CSMD1: variants seen among roughly 807,000 people sequenced by gnomAD.
CSMD1 encodes the protein CUB and Sushi multiple domains 1.
CSMD1 carries 213 observed loss-of-function variants against 417.5 expected under a neutral mutation model. The observed-to-expected ratio is 0.51, with a 90% CI of 0.46 to 0.57. The LOEUF (loss-of-function observed/expected upper bound fraction) is 0.57. CSMD1 is among the 20% of genes least tolerant of loss of function. The probability of loss-of-function intolerance (pLI) is 0.00; values close to 1 mark genes in which losing one functional copy is unlikely to be tolerated. For missense variants in CSMD1, 6,923 were observed against 4,529.7 expected, an observed-to-expected ratio of 1.53 and a Z score of -15.17; for synonymous variants, 2,862 against 1,736.8, an observed-to-expected ratio of 1.65 and a Z score of -16.11.
chr8:4,330,282 A>G (rs548088482), intron 3 of CSMD1, among the ~76,000 whole-genome samples: 1 of 139,438 alleles, frequency 7.2e-6, no homozygotes, highest in East Asian at 1.9e-4. Flanking sequence ...TCTTCTACAA[A>G]GTAACACTAT....
intron 2 of CSMD1, among the ~76,000 whole-genome samples, chr8:4,538,019 C>T (rs920039680): frequency 5.3e-5 from 8 of 152,272 alleles, no homozygotes; most frequent in African/African-American, 1.9e-4. Flanking sequence ...TCATCTGAAT[C>T]ACATAACTGA....
rs144661062 is a variant in CSMD1 at position 4,579,686 on chromosome 8, T to G, written c.302+57656A>C. 5.4e-4 allele frequency among the ~76,000 whole-genome samples: 82 copies of G among 152,224 alleles called. 1 individual carries two copies. Among genetic ancestry groups the G allele is most frequent in the Middle Eastern group, 6.8e-3 (2 of 294 alleles). On this transcript the variant is annotated intron_variant, in intron 2 of 69. Coordinates refer to ENST00000635120, the MANE Select transcript of CSMD1 (RefSeq NM_033225.6). The stretch of plus-strand genomic sequence containing the variant: ...CTTAAACCTATATTTTAAGGATACT[T>G]CTGAAGCAAAATATTCTGGAAACTC...
chr8:3,952,593 C>A (rs887926869), intron 5 of CSMD1, among the ~76,000 whole-genome samples: 18 of 152,028 alleles, frequency 1.2e-4, no homozygotes, highest in African/African-American at 4.1e-4. Context: ...CACCAAGAGA[C>A]AGGGAGAGAG....
chr8:4,612,335 G>A (rs1381480618), intron 2 of CSMD1, among the ~76,000 whole-genome samples: 1 of 149,826 alleles, frequency 6.7e-6, no homozygotes, highest in African/African-American at 2.5e-5. Context: ...CTTTACTTAG[G>A]AGCACTTTCA....
chr8:3,745,983 C>T (rs1797048415), intron 6 of CSMD1, among the ~76,000 whole-genome samples: 1 of 152,206 alleles, frequency 6.6e-6, no homozygotes, highest in Non-Finnish European at 1.5e-5. Flanking sequence ...ATGCTGAAGA[C>T]TTTGGTGGAC....
chr8:3,872,110 T>G (rs1805517603), intron 5 of CSMD1, among the ~76,000 whole-genome samples: 1 of 152,218 alleles, frequency 6.6e-6, no homozygotes, highest in Non-Finnish European at 1.5e-5. Flanking sequence ...TCAAATTTCT[T>G]TCCATTCTTA....
chr8:4,627,478 T>G (rs536490537), intron 2 of CSMD1, among the ~76,000 whole-genome samples: 1 of 152,334 alleles, frequency 6.6e-6, no homozygotes, highest in East Asian at 1.9e-4. Context: ...ACAATTTTAC[T>G]GATTCTTGAC....
chr8:3,651,232 A>G (rs1797840116), intron 7 of CSMD1, among the ~76,000 whole-genome samples: 1 of 152,196 alleles, frequency 6.6e-6, no homozygotes, highest in Non-Finnish European at 1.5e-5. Flanking sequence ...CACCTAAGAC[A>G]GATCGTATCA....
At chr8:3,300,980 A>C (rs1269693129) in intron 25 of CSMD1, among the ~76,000 whole-genome samples, 5 of 145,012 alleles carry the variant, frequency 3.4e-5, no homozygotes, top group African/African-American at 1.2e-4. Flanking sequence ...AAAAAAAAAA[A>C]AGAGAAAGAA....
intron 3 of CSMD1, among the ~76,000 whole-genome samples, chr8:4,162,150 C>A (rs901587119): frequency 4.6e-5 from 7 of 152,138 alleles, no homozygotes; most frequent in Non-Finnish European, 8.8e-5. Flanking sequence ...AGTGCGACAT[C>A]GTAATTAGTT....
chr8:4,324,250 G>A (rs923311578), intron 3 of CSMD1, among the ~76,000 whole-genome samples: 3 of 152,202 alleles, frequency 2.0e-5, no homozygotes, highest in African/African-American at 7.2e-5. Flanking sequence ...CACCAAGAAT[G>A]TGAGTTCTGA....
At chr8:4,043,481 T>C (rs1367752319) in intron 3 of CSMD1, among the ~76,000 whole-genome samples, 1 of 152,050 alleles carries the variant, frequency 6.6e-6, no homozygotes, top group African/African-American at 2.4e-5. Flanking sequence ...TTATGTTGTC[T>C]TCAAAAAAAA....
At chr8:4,575,041 G>A (rs1265010921) in intron 2 of CSMD1, among the ~76,000 whole-genome samples, 1 of 152,132 alleles carries the variant, frequency 6.6e-6, no homozygotes, top group Non-Finnish European at 1.5e-5. Context: ...GGAAAACCAG[G>A]TTTTTTAAAA....
intron 12 of CSMD1, among the ~76,000 whole-genome samples, chr8:3,432,226 G>A (rs890238290): frequency 6.6e-6 from 1 of 151,880 alleles, no homozygotes; most frequent in Non-Finnish European, 1.5e-5. Flanking sequence ...TATGACTATG[G>A]AAAAATAAAA....
chr8:4,666,954 A>C (rs988269783), intron 1 of CSMD1, among the ~76,000 whole-genome samples: 2 of 152,134 alleles, frequency 1.3e-5, no homozygotes, highest in Non-Finnish European at 1.5e-5. Context: ...AGCATTTATA[A>C]AATTTTTATG....
At chr8:3,610,457 C>A (rs1411135238) in intron 8 of CSMD1, among the ~76,000 whole-genome samples, 16 of 68,364 alleles carry the variant, frequency 2.3e-4, no homozygotes, top group Non-Finnish European at 5.9e-4. Flanking sequence ...ATCATTTGAG[C>A]CCTGGAGTTC....
rs1585263030 is a variant in CSMD1 at position 4,569,059 on chromosome 8, C to G, written c.302+68283G>C. 2.0e-5 allele frequency among the ~76,000 whole-genome samples: 3 copies of G among 152,244 alleles called. No individual in the cohort carries two copies. In the South Asian group the frequency reaches 6.2e-4, roughly 32 times the overall value. On this transcript the variant is annotated intron_variant, in intron 2 of 69. Transcript: ENST00000635120. ...TAGATTGACAAAATTTTCTCCCATT[C>G]TGTAGGTTGCCTGTTCACTGTTCAC...
chr8:3,265,339 C>T (rs994308248), intron 26 of CSMD1, among the ~76,000 whole-genome samples: 11 of 152,102 alleles, frequency 7.2e-5, no homozygotes, highest in African/African-American at 2.2e-4. Context: ...GACCTGTGCA[C>T]GCACGATATT....
chr8:3,162,252 T>C lies in CSMD1; in HGVS notation c.5751A>G (p.Glu1917=), dbSNP rs775920814. 6.2e-7 allele frequency: 1 copy of C among 1,609,586 alleles called. No individual in the cohort carries two copies. The highest frequency in any genetic ancestry group is 8.5e-7 in the Non-Finnish European group (1 of 1,177,872). The part of the protein sequence containing the change: ...YKTVGLAACQ[E]PALPSNSIKI... The stretch of plus-strand genomic sequence containing the variant: ...TGATGCTGTTGCTGGGGAGGGCTGG[T>C]TCTTGGCATGCAGCAAGACCTACAG... Residue 1917 remains glutamate (E), a synonymous_variant, in exon 38 of 70, where the codon GAA becomes GAG. Coordinates refer to ENST00000635120, the MANE Select transcript of CSMD1 (RefSeq NM_033225.6).
Sources: gnomAD v4.1 joint callset for allele counts (sites outside exome capture counted in the v4.1 genomes callset) on GRCh38, gnomAD v4.1.1 for gene constraint, MANE v1.5 for transcripts, NCBI Gene and HGNC (gene_info 2026-07-23, HGNC 2026-07-21) for gene names.